The following CALCR variants were observed in gnomAD, a reference collection of about 807,000 sequenced individuals.
CALCR encodes calcitonin receptor.
A neutral mutation model predicts 59.5 loss-of-function variants in CALCR; 47 were observed. The observed-to-expected ratio is 0.79, with a 90% CI of 0.63 to 1.01. CALCR has a LOEUF of 1.01. Ranked by LOEUF, CALCR falls within the 50% of genes least tolerant of loss-of-function variation. CALCR has a pLI of 0.00. For missense variants in CALCR, 566 were observed against 597.1 expected, an observed-to-expected ratio of 0.95 and a Z score of 0.54; for synonymous variants, 213 against 211.3, an observed-to-expected ratio of 1.01 and a Z score of -0.07.
intron 2 of CALCR, among the ~76,000 whole-genome samples, chr7:93,527,435 T>G (rs974849910): frequency 4.6e-5 from 7 of 152,096 alleles, no homozygotes; most frequent in Non-Finnish European, 1.0e-4. Context: ...TTAGTACAGT[T>G]TTAAGCTTTA....
At chr7:93,487,774 C>G (rs768655749) in intron 2 of CALCR, among the ~76,000 whole-genome samples, 3 of 151,350 alleles carry the variant, frequency 2.0e-5, no homozygotes, top group Non-Finnish European at 4.4e-5. Flanking sequence ...GTGGTTATGA[C>G]TGTATCTTAA....
intron 2 of CALCR, among the ~76,000 whole-genome samples, chr7:93,521,845 T>C (rs1465985740): frequency 6.6e-6 from 1 of 152,198 alleles, no homozygotes; most frequent in South Asian, 2.1e-4. Flanking sequence ...ATTCTTTCTC[T>C]TTATCAAAAT....
chr7:93,532,838 C>CAAAAAAAAAAAAAAAAAAAAAAAAA lies in CALCR; in HGVS notation c.-27+41426_-27+41450dup, dbSNP rs57128008. Reference sequence around the variant, plus strand: ...TAGCCTTGATTCCTCATGTCCAAAGCAAAAAAAAAAAAAAAAAAAAAAAAA... The same window carrying CAAAAAAAAAAAAAAAAAAAAAAAAA: ...TAGCCTTGATTCCTCATGTCCAAAGCAAAAAAAAAAAAAAAAAAAAAAAAAAAAAAAAAAAAAAAAAAAAAAAAAA... On this transcript the variant is annotated intron_variant, in intron 2 of 13. Coordinates refer to ENST00000426151, the MANE Select transcript of CALCR (RefSeq NM_001742.4). Among the ~76,000 whole-genome samples, 28 of 95,678 alleles carry CAAAAAAAAAAAAAAAAAAAAAAAAA rather than the reference C, an allele frequency of 2.9e-4. 4 individuals are homozygous for CAAAAAAAAAAAAAAAAAAAAAAAAA. Among genetic ancestry groups the CAAAAAAAAAAAAAAAAAAAAAAAAA allele is most frequent in the African/African-American group, 1.3e-3 (26 of 19,928 alleles). The allele number at this position is 95,678 out of a possible 152,430, so 62.8% of individuals were successfully genotyped here. A position where few individuals can be genotyped will look rare whatever the true frequency, so the allele number is the denominator to read the frequency against.
intron 13 of CALCR, among the ~76,000 whole-genome samples, chr7:93,428,996 T>C (rs1310103159): frequency 6.6e-6 from 1 of 152,130 alleles, no homozygotes; most frequent in Non-Finnish European, 1.5e-5. Context: ...TCCCATAGAG[T>C]ATCCATTTAT....
intron 12 of CALCR, 55 bp downstream of exon 12, chr7:93,435,897 A>G: frequency 1.2e-6 from 1 of 860,286 alleles, no homozygotes; most frequent in Non-Finnish European, 1.9e-6. Context: ...TAGAGTTAAA[A>G]TCAGCTAGCT....
chr7:93,549,082 T>C (rs1398716030), intron 2 of CALCR, among the ~76,000 whole-genome samples: 2 of 152,154 alleles, frequency 1.3e-5, no homozygotes, highest in Non-Finnish European at 2.9e-5. Flanking sequence ...ACAAAAAAGA[T>C]ACAGAATTTC....
chr7:93,526,224 C>G (rs1801874203), intron 2 of CALCR, among the ~76,000 whole-genome samples: 1 of 152,058 alleles, frequency 6.6e-6, no homozygotes. Context: ...AACTTGGACC[C>G]TAAGTGATAA....
intron 4 of CALCR, among the ~76,000 whole-genome samples, chr7:93,478,982 G>A (rs1800732542): frequency 6.6e-6 from 1 of 151,802 alleles, no homozygotes; most frequent in African/African-American, 2.4e-5. Context: ...ATTAATCCAA[G>A]CAAGATAGGG....
intron 7 of CALCR, among the ~76,000 whole-genome samples, chr7:93,465,452 A>T (rs1253067166): frequency 6.6e-6 from 1 of 151,914 alleles, no homozygotes; most frequent in Non-Finnish European, 1.5e-5. Flanking sequence ...CCATAATATC[A>T]TTCCAATTTT....
chr7:93,515,126 C>A (rs559395059), intron 2 of CALCR, among the ~76,000 whole-genome samples: 102 of 152,100 alleles, frequency 6.7e-4, no homozygotes, highest in African/African-American at 2.4e-3. Context: ...TTTTGGCAAA[C>A]TGAATTACAC....
chr7:93,510,711 A>T (rs1369293013), intron 2 of CALCR, among the ~76,000 whole-genome samples: 2 of 151,896 alleles, frequency 1.3e-5, no homozygotes, highest in Non-Finnish European at 2.9e-5. Flanking sequence ...CTACAAAATA[A>T]AAGTTTTTTA....
intron 2 of CALCR, among the ~76,000 whole-genome samples, chr7:93,562,831 G>A (rs1436134373): frequency 6.6e-6 from 1 of 152,118 alleles, no homozygotes; most frequent in Non-Finnish European, 1.5e-5. Flanking sequence ...AGCAGTTAAG[G>A]TTTGAGATCA....
chr7:93,449,793 C>T (rs530336858), intron 8 of CALCR, among the ~76,000 whole-genome samples: 1 of 152,144 alleles, frequency 6.6e-6, no homozygotes, highest in African/African-American at 2.4e-5. Flanking sequence ...AGGCTGCTGA[C>T]ATCAATAGAA....
At chr7:93,574,611 T>C (rs1384439970) in intron 1 of CALCR, 81 bp downstream of exon 1, 1 of 152,238 alleles carries the variant, frequency 6.6e-6, no homozygotes, top group African/African-American at 2.4e-5. Flanking sequence ...CAGACCCAAG[T>C]CTAGGTTGTA....
chr7:93,434,389 G>GAAAAAAA, intron 12 of CALCR, 95 bp from the exon 13 acceptor site: 4 of 511,136 alleles, frequency 7.8e-6, no homozygotes, highest in South Asian at 3.0e-5. Flanking sequence ...AAGGCCTGAT[G>GAAAAAAA]AAAAAAAAAA....
chr7:93,532,463 T>G (rs908975646), intron 2 of CALCR, among the ~76,000 whole-genome samples: 1 of 151,936 alleles, frequency 6.6e-6, no homozygotes, highest in Non-Finnish European at 1.5e-5. Flanking sequence ...GAGGTTAGGT[T>G]AAAAAAAGAC....
intron 8 of CALCR, among the ~76,000 whole-genome samples, chr7:93,445,860 T>A (rs899086241): frequency 7.2e-5 from 11 of 152,038 alleles, no homozygotes; most frequent in Admixed American, 1.3e-4. Flanking sequence ...TGAGGGGCTA[T>A]TTAAAACAAT....
At chr7:93,471,334 C>T (rs9886023) in intron 6 of CALCR, among the ~76,000 whole-genome samples, 7,314 of 151,848 alleles carry the variant, frequency 0.048, 606 homozygotes, top group African/African-American at 0.17. Context: ...TGTAGACATG[C>T]ATCTGATTCT....
intron 2 of CALCR, among the ~76,000 whole-genome samples, chr7:93,545,278 A>C (rs1005774235): frequency 6.6e-6 from 1 of 152,076 alleles, no homozygotes; most frequent in Non-Finnish European, 1.5e-5. Flanking sequence ...ATAGATTAAA[A>C]ATCCTGTCCT....
Sources: allele counts gnomAD v4.1 joint callset (sites outside exome capture counted in the v4.1 genomes callset), GRCh38; gene constraint gnomAD v4.1.1; transcripts MANE v1.5; gene names NCBI Gene and HGNC (gene_info 2026-07-23, HGNC 2026-07-21).